Variants in HMCN1 observed in about 807,000 individuals in gnomAD.
HMCN1 encodes the protein hemicentin-1.
HMCN1 carries 321 observed loss-of-function variants against 625.9 expected under a neutral mutation model. The observed-to-expected ratio is 0.51, with a 90% confidence interval of 0.47 to 0.56. The LOEUF is 0.56. Ranked by LOEUF, HMCN1 falls within the 20% of genes least tolerant of loss-of-function variation. HMCN1 has a pLI of 0.00. For synonymous variants in HMCN1, 2,425 were observed against 2,417.6 expected, an observed-to-expected ratio of 1.00 and a Z score of -0.09; for missense variants, 6,588 against 6,887.3, an observed-to-expected ratio of 0.96 and a Z score of 1.54.
At chr1:185,870,021 GTT>G (rs397944329) in intron 4 of HMCN1, among the ~76,000 whole-genome samples, 5 of 128,530 alleles carry the variant, frequency 3.9e-5, no homozygotes, top group African/African-American at 1.1e-4. Flanking sequence ...ACTGCGTTCT[GTT>G]TTTTTTTTTT....
chr1:186,139,611 T>G (rs925845061), intron 89 of HMCN1, among the ~76,000 whole-genome samples: 2 of 151,682 alleles, frequency 1.3e-5, no homozygotes, highest in African/African-American at 4.8e-5. Context: ...TTTTTTTTTT[T>G]AAAGGCTTTC....
chr1:186,139,687 G>A (rs1213492103), intron 89 of HMCN1, among the ~76,000 whole-genome samples: 2 of 151,584 alleles, frequency 1.3e-5, no homozygotes, highest in African/African-American at 4.8e-5. Flanking sequence ...AATGTCGGTG[G>A]TGTCCTAGAG....
chr1:185,757,280 A>T (rs1026346769), intron 1 of HMCN1, among the ~76,000 whole-genome samples: 1 of 152,156 alleles, frequency 6.6e-6, no homozygotes, highest in African/African-American at 2.4e-5. Flanking sequence ...GCTATAATTT[A>T]AATAAAATAT....
chr1:185,873,221 T>C (rs1663732662), intron 4 of HMCN1, among the ~76,000 whole-genome samples: 1 of 152,170 alleles, frequency 6.6e-6, no homozygotes, highest in Non-Finnish European at 1.5e-5. Flanking sequence ...GTCAATTACC[T>C]GCATTGCTAA....
At chr1:185,844,258 G>A (rs964777286) in intron 1 of HMCN1, among the ~76,000 whole-genome samples, 2 of 152,196 alleles carry the variant, frequency 1.3e-5, no homozygotes, top group African/African-American at 2.4e-5. Context: ...GGTTAATGAC[G>A]GTTCTGCTTT....
chr1:186,118,396 T>C (rs763641890), intron 77 of HMCN1, among the ~76,000 whole-genome samples: 2 of 152,196 alleles, frequency 1.3e-5, no homozygotes, highest in African/African-American at 2.4e-5. Context: ...ATTTTGACTA[T>C]GGATTGGTAG....
chr1:185,886,682 A>G (rs148837856), intron 4 of HMCN1, among the ~76,000 whole-genome samples: 1 of 152,210 alleles, frequency 6.6e-6, no homozygotes, highest in East Asian at 1.9e-4. Context: ...AATTTTATTT[A>G]ATACACTCCA....
chr1:185,960,124 CTTTTTTTTTTTT>C (rs1167408279), intron 11 of HMCN1, among the ~76,000 whole-genome samples: 1 of 108,926 alleles, frequency 9.2e-6, no homozygotes, highest in Non-Finnish European at 1.9e-5. Context: ...CAGGAATATT[CTTTTTTTTTTTT>C]TTTTTTTTTG....
intron 4 of HMCN1, among the ~76,000 whole-genome samples, chr1:185,897,083 G>C (rs1571524119): frequency 1.3e-5 from 2 of 152,214 alleles, no homozygotes; most frequent in South Asian, 4.1e-4. Flanking sequence ...AGTCATTCTA[G>C]ACTTTTTCTT....
At chr1:185,832,788 AT>A (rs1277915405) in intron 1 of HMCN1, among the ~76,000 whole-genome samples, 1 of 152,206 alleles carries the variant, frequency 6.6e-6, no homozygotes, top group Non-Finnish European at 1.5e-5. Flanking sequence ...AAAGAAAGCT[AT>A]TTCTGCATGG....
At chr1:186,052,805 G>T (rs1452147265) in intron 42 of HMCN1, 147 bp from the exon 43 acceptor site, 5 of 697,298 alleles carry the variant, frequency 7.2e-6, no homozygotes, top group African/African-American at 5.3e-5. Context: ...CATCTTACAG[G>T]TGACTTTTAA....
At chr1:185,839,606 G>A (rs1400849020) in intron 1 of HMCN1, among the ~76,000 whole-genome samples, 7 of 152,054 alleles carry the variant, frequency 4.6e-5, no homozygotes, top group Non-Finnish European at 7.4e-5. Context: ...TTGCAAGAGG[G>A]CTTTCTGCTG....
intron 4 of HMCN1, among the ~76,000 whole-genome samples, chr1:185,875,988 G>A (rs1437838851): frequency 1.3e-5 from 2 of 151,938 alleles, no homozygotes; most frequent in African/African-American, 4.8e-5. Flanking sequence ...GTAATGGTGA[G>A]GTTTGGGTTT....
Position 186,151,788 on chromosome 1 carries a change from C to G in HMCN1, c.14896+45C>G, listed in dbSNP as rs758278342. On this transcript the variant is annotated intron_variant, in intron 95 of 106. Transcript: ENST00000271588. ...AATATTCTATTACTATAAAAAGTGC[C>G]ATGAAGATAGGTGATTAAGAAAAAT... 1.0e-5 allele frequency: 16 copies of G among 1,587,858 alleles called. No homozygotes were observed. The East Asian group carries it at 3.1e-4, about 31-fold the overall frequency.
At chr1:186,056,826 T>C (rs990644999) in intron 45 of HMCN1, among the ~76,000 whole-genome samples, 1 of 151,770 alleles carries the variant, frequency 6.6e-6, no homozygotes, top group Non-Finnish European at 1.5e-5. Flanking sequence ...GGATCAATCA[T>C]ACCCCAAGCC....
intron 54 of HMCN1, among the ~76,000 whole-genome samples, chr1:186,077,231 A>G (rs558272040): frequency 5.2e-4 from 79 of 152,294 alleles, no homozygotes; most frequent in Admixed American, 1.4e-3. Flanking sequence ...GAGTATCCTG[A>G]AAATAAAAAT....
chr1:186,000,388 T>C, intron 26 of HMCN1, 149 bp downstream of exon 26: 1 of 665,634 alleles, frequency 1.5e-6, no homozygotes, highest in South Asian at 1.8e-5. Flanking sequence ...GCATTTATTA[T>C]TTGATTTAAA....
In HMCN1 at chr1:185,792,556, T is replaced by TA. The variant is rs148408055; in HGVS notation, c.269-53461dup. ...CCCCAGAATCTTCTTTGTGCATTTT[T>TA]AAAAAAAAAGTAAAAATAAAATTTT... On this transcript the variant is annotated intron_variant, in intron 1 of 106. Coordinates refer to ENST00000271588, the MANE Select transcript of HMCN1 (RefSeq NM_031935.3). 1.6e-3 allele frequency among the ~76,000 whole-genome samples: 242 copies of TA among 151,556 alleles called. No individual in the cohort carries two copies. In the East Asian group the frequency reaches 0.021, roughly 13 times the overall value.
chr1:186,004,838 A>T (rs1653443716), intron 29 of HMCN1, among the ~76,000 whole-genome samples: 1 of 152,194 alleles, frequency 6.6e-6, no homozygotes, highest in South Asian at 2.1e-4. Context: ...GTGATGGCAA[A>T]GATGGGAAAG....
Sources: gnomAD v4.1 joint callset for allele counts (sites outside exome capture counted in the v4.1 genomes callset) on GRCh38, gnomAD v4.1.1 for gene constraint, MANE v1.5 for transcripts, NCBI Gene and HGNC (gene_info 2026-07-23, HGNC 2026-07-21) for gene names.